The following PABPC1L variants were observed in gnomAD, a reference collection of about 807,000 sequenced individuals.
The protein encoded by PABPC1L is polyadenylate-binding protein 1-like.
In PABPC1L, 31 loss-of-function variants were observed where a neutral mutation model predicts 66.6. The ratio of observed to expected loss-of-function variants is 0.47; its 90% CI spans 0.35 to 0.63. The LOEUF is 0.63. Ranked by LOEUF, PABPC1L falls within the 20% of genes least tolerant of loss-of-function variation. PABPC1L has a pLI of 0.00. For synonymous variants in PABPC1L, 348 were observed against 335.1 expected, an observed-to-expected ratio of 1.04 and a Z score of -0.42; for missense variants, 722 against 848.8, an observed-to-expected ratio of 0.85 and a Z score of 1.86.
chr20:44,927,179 T>C (rs569446128), intron 7 of PABPC1L, among the ~76,000 whole-genome samples: 1 of 151,576 alleles, frequency 6.6e-6, no homozygotes, highest in East Asian at 2.0e-4. Context: ...AGCCACTGCA[T>C]CTGGCCTGTA....
At chr20:44,926,267 C>T (rs1421182162) in intron 7 of PABPC1L, among the ~76,000 whole-genome samples, 1 of 152,128 alleles carries the variant, frequency 6.6e-6, no homozygotes, top group Non-Finnish European at 1.5e-5. Flanking sequence ...AGCTCTGTTG[C>T]CCAGGCTAGA....
chr20:44,929,271 C>A (rs964632672), intron 7 of PABPC1L, among the ~76,000 whole-genome samples: 1 of 151,870 alleles, frequency 6.6e-6, no homozygotes, highest in African/African-American at 2.4e-5. Flanking sequence ...CTTTAAAAAA[C>A]AAACAAATAA....
chr20:44,921,875 C>T (rs1601112766), intron 6 of PABPC1L, 144 bp downstream of exon 6: 4 of 1,230,416 alleles, frequency 3.3e-6, no homozygotes, highest in East Asian at 2.5e-5. Flanking sequence ...GGGATGGCCC[C>T]CACTGCCTAA....
chr20:44,916,954 A>G, intron 3 of PABPC1L, 83 bp downstream of exon 3: 2 of 1,354,760 alleles, frequency 1.5e-6, no homozygotes, highest in Admixed American at 3.5e-5. Flanking sequence ...TGCTACCCTC[A>G]AGCTGCTAAT....
chr20:44,918,890 T>C lies in PABPC1L; in HGVS notation c.504-16T>C, dbSNP rs368779009. On this transcript the variant is annotated splice_polypyrimidine_tract_variant and intron_variant, in intron 3 of 14. Transcript: ENST00000217073. ...GTAGCTGTCCACAGCCATGAGCCAGTGTGTCATGTCCACAGCTTTGTGGGT... is the reference window on the plus strand; with the variant it reads ...GTAGCTGTCCACAGCCATGAGCCAGCGTGTCATGTCCACAGCTTTGTGGGT... 2 of 1,559,182 alleles carry C rather than the reference T, an allele frequency of 1.3e-6. No individual in the cohort carries two copies. Among genetic ancestry groups the C allele is most frequent in the Non-Finnish European group, 1.7e-6 (2 of 1,151,918 alleles).
Position 44,910,295 on chromosome 20 carries a change from C to G in PABPC1L, c.152C>G (p.Ser51Trp). 6.5e-7 allele frequency: 1 copy of G among 1,544,814 alleles called. No homozygotes were observed. The highest frequency in any genetic ancestry group is 8.7e-7 in the Non-Finnish European group (1 of 1,143,226). ...TGCCGCGATGTAGCCACCCGGCGCT[C>G]GCTGGGCTACGCCTACATCAACTTC... ...RVCRDVATRR[S>W]LGYAYINFQQ... The change falls in exon 1 of 15, where the codon TCG (serine) becomes TGG (tryptophan). Residue 51 changes from serine to tryptophan, a missense_variant. Ser to Trp is a radical substitution (Grantham distance 177, BLOSUM62 -3). This residue lies in a region of PABPC1L where 284 missense variants were observed against 294.8 expected (regional missense o/e 0.96). Transcript: ENST00000217073.
At chr20:44,933,017 C>G (rs1373465495) in intron 9 of PABPC1L, 40 bp from the exon 10 acceptor site, 1 of 1,400,386 alleles carries the variant, frequency 7.1e-7, no homozygotes, top group African/African-American at 1.4e-5. Flanking sequence ...TCCCACCACT[C>G]CATCCAACTT....
chr20:44,923,477 A>G (rs2145566291), intron 6 of PABPC1L, among the ~76,000 whole-genome samples: 1 of 152,086 alleles, frequency 6.6e-6, no homozygotes, highest in South Asian at 2.1e-4. Context: ...AAAAAATACA[A>G]AGTTAGCTGG....
At chr20:44,928,661 G>C (rs569846362) in intron 7 of PABPC1L, among the ~76,000 whole-genome samples, 15 of 152,124 alleles carry the variant, frequency 9.9e-5, no homozygotes, top group African/African-American at 3.6e-4. Context: ...CTCACCAGGA[G>C]TTCAAGCCCA....
At chr20:44,929,915 C>A (rs530758259) in intron 7 of PABPC1L, among the ~76,000 whole-genome samples, 1 of 152,202 alleles carries the variant, frequency 6.6e-6, no homozygotes, top group South Asian at 2.1e-4. Flanking sequence ...ACCTCTTCCC[C>A]AAATTCCTAA....
intron 7 of PABPC1L, among the ~76,000 whole-genome samples, chr20:44,927,379 C>T (rs1691280187): frequency 6.7e-6 from 1 of 150,160 alleles, no homozygotes; most frequent in Non-Finnish European, 1.5e-5. Flanking sequence ...TGGAGTTTTG[C>T]TCTTGTTGCC....
chr20:44,916,930 C>T (rs1053359358), intron 3 of PABPC1L, 59 bp downstream of exon 3: 43 of 1,509,666 alleles, frequency 2.8e-5, no homozygotes, highest in Admixed American at 3.4e-5. Context: ...ATGGCACCAC[C>T]GACTAGGAAT....
At position 44,912,691 on chromosome 20, in the gene PABPC1L, G is replaced by C. The variant is rs756752800; in HGVS notation, c.225G>C (p.Glu75Asp). 5 of 1,613,822 alleles carry C rather than the reference G, an allele frequency of 3.1e-6. No homozygotes were observed. Among genetic ancestry groups the C allele is most frequent in the Non-Finnish European group, 4.2e-6 (5 of 1,179,858 alleles). The change falls in exon 2 of 15, where the codon GAG becomes GAC. Residue 75 changes from glutamate (E) to aspartate (D), a missense_variant. Transcript: ENST00000217073. ...AERALDTMNFEMLKGQPIRIM... is the reference protein window; with the variant it reads ...AERALDTMNFDMLKGQPIRIM... ...GGGCACTGGACACAATGAACTTTGA[G>C]ATGCTCAAAGGCCAGCCTATTCGCA...
At chr20:44,922,037 C>G (rs192540900) in intron 6 of PABPC1L, among the ~76,000 whole-genome samples, 1 of 152,274 alleles carries the variant, frequency 6.6e-6, no homozygotes, top group East Asian at 1.9e-4. Flanking sequence ...ATCCTCTAGT[C>G]TCAGACAACC....
intron 6 of PABPC1L, 87 bp from the exon 7 acceptor site, chr20:44,924,074 T>C: frequency 9.0e-7 from 1 of 1,107,252 alleles, no homozygotes; most frequent in Non-Finnish European, 1.4e-6. Context: ...CCCATGCCCC[T>C]TGTACCTGCG....
chr20:44,929,002 G>A (rs1423891433), intron 7 of PABPC1L, among the ~76,000 whole-genome samples: 3 of 151,956 alleles, frequency 2.0e-5, no homozygotes, highest in Non-Finnish European at 4.4e-5. Flanking sequence ...GCCAGGTGTG[G>A]TGGCTCCTGC....
chr20:44,936,603 G>C (rs1216991975), intron 11 of PABPC1L, 34 bp from the exon 12 acceptor site: 2 of 1,516,496 alleles, frequency 1.3e-6, no homozygotes, highest in Non-Finnish European at 1.8e-6. Flanking sequence ...GCCTGTCCAT[G>C]GTGATTAAGG....
rs1343349949 is a variant in PABPC1L, at chr20:44,930,735, C to T, written c.1239+9C>T. The T allele has an allele frequency of 2.5e-6, 4 of 1,610,010 alleles. No individual in the cohort carries two copies. The Admixed American group carries it at 5.0e-5, about 20-fold the overall frequency. ...TGCCTGCCATGCCCCAGGTGACGGC[C>T]TGCCCGCAACTCCCACCGCAGCCTT... On this transcript the variant is annotated intron_variant, in intron 8 of 14. Transcript: ENST00000217073.
intron 7 of PABPC1L, among the ~76,000 whole-genome samples, chr20:44,928,236 A>G (rs917932580): frequency 3.3e-5 from 5 of 151,588 alleles, no homozygotes; most frequent in African/African-American, 1.2e-4. Context: ...ATAACCAGCT[A>G]ATTTTTGTAT....
Sources: gnomAD v4.1 joint callset for allele counts (sites outside exome capture counted in the v4.1 genomes callset) on GRCh38, gnomAD v4.1.1 for gene constraint, gnomAD v4.1.1 regional missense constraint, MANE v1.5 for transcripts, NCBI Gene and HGNC (gene_info 2026-07-23, HGNC 2026-07-21) for gene names.